STIP1: variants seen among roughly 807,000 people sequenced by gnomAD.
The protein encoded by STIP1 is stress-induced-phosphoprotein 1.
STIP1 carries 16 observed loss-of-function variants against 77.4 expected under a neutral mutation model. The ratio of observed to expected loss-of-function variants is 0.21; its 90% CI spans 0.14 to 0.31. The LOEUF is 0.31. STIP1 is among the 10% of genes least tolerant of loss of function. The pLI is 1.00. For missense variants in STIP1, 524 were observed against 684.8 expected (o/e 0.77, Z 2.62); for synonymous variants, 258 against 246.6 (o/e 1.05, Z -0.44).
At position 64,186,286 on chromosome 11, in the gene STIP1, C is replaced by A; in HGVS notation, c.9+16C>A. On this transcript the variant is annotated intron_variant, in intron 1 of 13. Transcript: ENST00000305218. ...TATGGAGCAGGTGAAGGGGGAGGGGCGGGCTGAGGCCCCGAGCCTGCTCGG... is the reference window on the plus strand; with the variant it reads ...TATGGAGCAGGTGAAGGGGGAGGGGAGGGCTGAGGCCCCGAGCCTGCTCGG... 1 of 1,069,404 alleles carries A rather than the reference C, an allele frequency of 9.4e-7. No homozygotes were observed. 66.2% of individuals were successfully genotyped at this position (1,069,404 alleles called of 1,614,324 possible).
At chr11:64,186,528 C>T (rs1329165420) in intron 1 of STIP1, 1 of 300,552 alleles carries the variant, frequency 3.3e-6, no homozygotes, top group Non-Finnish European at 5.9e-6. Context: ...TTGGGTGAGT[C>T]CGGCCGGCGG....
upstream of STIP1, chr11:64,185,746 C>G: frequency 6.7e-7 from 1 of 1,499,140 alleles, no homozygotes; most frequent in Non-Finnish European, 8.9e-7. Flanking sequence ...TGAAGGGCAG[C>G]GATTTAAACC....
Position 64,204,255 on chromosome 11 carries a change from C to T in STIP1, c.*129C>T, listed in dbSNP as rs55794876. The T allele has an allele frequency of 2.8e-4, 257 of 921,874 alleles. No homozygotes were observed. In the African/African-American group the frequency reaches 3.6e-3, roughly 13 times the overall value. 57.1% of individuals were successfully genotyped at this position (921,874 alleles called of 1,614,324 possible). On this transcript the variant is annotated 3_prime_UTR_variant, in exon 14 of 14. Transcript: ENST00000305218. ...ATCTCTCTATATTTATACATAACCC[C>T]GGGGAAGACACAGAGACTCGTACCT...
At chr11:64,201,035 T>TAAA (rs1565283368) in intron 10 of STIP1, among the ~76,000 whole-genome samples, 1 of 137,942 alleles carries the variant, frequency 7.2e-6, no homozygotes, top group African/African-American at 3.2e-5. Flanking sequence ...CCCCCTTTTT[T>TAAA]TAAAAAAAAA....
chr11:64,200,981 C>T (rs996094755), intron 10 of STIP1, among the ~76,000 whole-genome samples: 3 of 151,286 alleles, frequency 2.0e-5, no homozygotes, highest in Non-Finnish European at 4.4e-5. Flanking sequence ...CCCGCCTCAG[C>T]CTCCCAAAGT....
intron 1 of STIP1, among the ~76,000 whole-genome samples, chr11:64,187,002 T>C (rs1471327705): frequency 1.3e-5 from 2 of 152,094 alleles, no homozygotes; most frequent in African/African-American, 4.8e-5. Context: ...TGCTTGTGTG[T>C]GTGATTGTCG....
chr11:64,196,679 G>A (rs1416030346), intron 5 of STIP1, among the ~76,000 whole-genome samples: 1 of 152,182 alleles, frequency 6.6e-6, no homozygotes, highest in Non-Finnish European at 1.5e-5. Context: ...GAAGGCATGT[G>A]CCTCAACGAT....
intron 10 of STIP1, among the ~76,000 whole-genome samples, chr11:64,200,572 G>A (rs1946207006): frequency 6.7e-6 from 1 of 148,978 alleles, no homozygotes; most frequent in Admixed American, 6.8e-5. Flanking sequence ...TAAAATATGG[G>A]ACCTGTATCT....
chr11:64,201,078 C>T (rs1004668249), intron 10 of STIP1, among the ~76,000 whole-genome samples: 1 of 151,706 alleles, frequency 6.6e-6, no homozygotes, highest in African/African-American at 2.4e-5. Flanking sequence ...CTCTATCGCC[C>T]AGGCTGGCTG....
At chr11:64,192,976 C>G in intron 1 of STIP1, 102 bp from the exon 2 acceptor site, 2 of 1,091,236 alleles carry the variant, frequency 1.8e-6, no homozygotes, top group East Asian at 2.6e-5. Context: ...GTAAAGTCAC[C>G]TATTTATTTG....
chr11:64,192,399 G>A (rs572471162), intron 1 of STIP1, among the ~76,000 whole-genome samples: 3 of 152,324 alleles, frequency 2.0e-5, no homozygotes, highest in African/African-American at 7.2e-5. Context: ...AACCACAGTA[G>A]CATTTCTTCA....
rs1946013404 is a variant in STIP1, at chr11:64,186,231, G to C, written c.-31G>C. 4.6e-6 allele frequency: 7 copies of C among 1,529,706 alleles called. No individual in the cohort carries two copies. Among genetic ancestry groups the C allele is most frequent in the Non-Finnish European group, 4.4e-6 (5 of 1,133,300 alleles). 94.8% of individuals were successfully genotyped at this position (1,529,706 alleles called of 1,614,324 possible). ...TTGGGAACGCGGAGCGGACGGATTCGATTCAACGGGGTTCCGGACCGCGCT... is the reference window on the plus strand; with the variant it reads ...TTGGGAACGCGGAGCGGACGGATTCCATTCAACGGGGTTCCGGACCGCGCT... On this transcript the variant is annotated 5_prime_UTR_variant, in exon 1 of 14. Transcript: ENST00000305218.
chr11:64,197,063 G>T (rs1591011056), intron 5 of STIP1: 2 of 620,528 alleles, frequency 3.2e-6, no homozygotes, highest in South Asian at 4.2e-5. Flanking sequence ...GGAAAAGGGG[G>T]AGTTTCAGAG....
In STIP1 at chr11:64,204,097, A is replaced by G. The variant is rs761037127; in HGVS notation, c.1603A>G (p.Met535Val). 5.6e-6 allele frequency: 9 copies of G among 1,614,084 alleles called. No individual in the cohort carries two copies. The East Asian group carries it at 1.6e-4, about 28-fold the overall frequency. Residue 535 changes from methionine (M) to valine (V), a missense_variant, in exon 14 of 14, where the codon ATG becomes GTG. Transcript: ENST00000305218. Reference protein sequence around the residue: ...PVIAQKIQKLMDVGLIAIR With the variant: ...PVIAQKIQKLVDVGLIAIR ...AATAGCACAGAAGATCCAGAAGCTGATGGATGTGGGTCTGATTGCAATTCG... is the reference window on the plus strand; with the variant it reads ...AATAGCACAGAAGATCCAGAAGCTGGTGGATGTGGGTCTGATTGCAATTCG...
rs768299155 is a variant in STIP1 at position 64,203,494 on chromosome 11, C to T, written c.1431C>T (p.Asn477=). The change falls in exon 13 of 14, where the codon AAC becomes AAT. Residue 477 remains asparagine, a synonymous_variant. Coordinates refer to ENST00000305218, the MANE Select transcript of STIP1 (RefSeq NM_006819.3). ...GYQRCMMAQY[N]RHDSPEDVKR... ...AGCGCTGTATGATGGCGCAGTACAACCGGCACGACAGCCCCGAAGATGTGA... is the reference window on the plus strand; with the variant it reads ...AGCGCTGTATGATGGCGCAGTACAATCGGCACGACAGCCCCGAAGATGTGA... 36 of 1,613,962 alleles carry T rather than the reference C, an allele frequency of 2.2e-5. No individual in the cohort carries two copies. The South Asian group carries it at 3.6e-4, about 16-fold the overall frequency.
At chr11:64,185,976 T>A (rs758428027), upstream of STIP1, 7 of 1,539,608 alleles carry the variant, frequency 4.5e-6, no homozygotes, top group East Asian at 2.4e-5. Context: ...CTGAGATGGG[T>A]GGGTTTATAG....
chr11:64,186,321 G>T, intron 1 of STIP1, 51 bp downstream of exon 1: 1 of 1,476,186 alleles, frequency 6.8e-7, no homozygotes, highest in Non-Finnish European at 9.0e-7. Context: ...GGGACCGGCG[G>T]TGGCCAGGCC....
intron 1 of STIP1, among the ~76,000 whole-genome samples, chr11:64,191,974 T>C (rs1946097892): frequency 6.6e-6 from 1 of 151,838 alleles, no homozygotes; most frequent in African/African-American, 2.4e-5. Flanking sequence ...GCTCCTCACT[T>C]CCCAGTCGGT....
chr11:64,185,381 C>A, upstream of STIP1: 1 of 183,240 alleles, frequency 5.5e-6, no homozygotes, highest in Non-Finnish European at 1.2e-5. Flanking sequence ...GTGAGATCCC[C>A]GGCCTGTCCA....
Sources: gnomAD v4.1 joint callset for allele counts (sites outside exome capture counted in the v4.1 genomes callset) on GRCh38, gnomAD v4.1.1 for gene constraint, MANE v1.5 for transcripts, NCBI Gene and HGNC (gene_info 2026-07-23, HGNC 2026-07-21) for gene names.